SECISBP2L: variants seen among roughly 807,000 people sequenced by gnomAD.
The protein encoded by SECISBP2L is selenocysteine insertion sequence-binding protein 2-like.
SECISBP2L carries 43 observed loss-of-function variants against 114.7 expected under a neutral mutation model. The observed-to-expected ratio is 0.38, with a 90% CI of 0.29 to 0.48. SECISBP2L has a LOEUF of 0.48. Ranked by LOEUF, SECISBP2L falls within the 20% of genes least tolerant of loss-of-function variation. The pLI is 0.98. For synonymous variants in SECISBP2L, 451 were observed against 439.7 expected (o/e 1.03, Z -0.32); for missense variants, 1,136 against 1,301.1 (o/e 0.87, Z 1.95).
At chr15:49,032,780 A>G (rs1340164511) in intron 4 of SECISBP2L, among the ~76,000 whole-genome samples, 185 bp downstream of exon 4, 1 of 152,244 alleles carries the variant, frequency 6.6e-6, no homozygotes, top group African/African-American at 2.4e-5. Context: ...AAGGCCAGCA[A>G]GCAAATTGAA....
At chr15:49,024,971 T>G (rs966881022) in intron 7 of SECISBP2L, among the ~76,000 whole-genome samples, 1 of 152,208 alleles carries the variant, frequency 6.6e-6, no homozygotes, top group African/African-American at 2.4e-5. Context: ...AAAATGTTTT[T>G]CATCTCAGTA....
chr15:49,001,066 C>A lies in SECISBP2L; in HGVS notation c.2059G>T (p.Asp687Tyr). Residue 687 changes from aspartate to tyrosine, a missense_variant, in exon 15 of 18, where the codon GAT becomes TAT. By Grantham distance (160) the Asp-to-Tyr change is radical (BLOSUM62 -3). Transcript: ENST00000559471. The part of the protein sequence containing the change: ...YCNQVLCKEI[D>Y]ECVTLLLQEL... ...TGGAGAAGAAGAGTCACACATTCATCAATCTCTTTACAAAGAACCTGATTA... is the reference window on the plus strand; with the variant it reads ...TGGAGAAGAAGAGTCACACATTCATAAATCTCTTTACAAAGAACCTGATTA... 6.2e-7 allele frequency: 1 copy of A among 1,612,820 alleles called. No individual in the cohort carries two copies. Among genetic ancestry groups the A allele is most frequent in the South Asian group, 1.1e-5 (1 of 90,788 alleles).
rs187139777 is a variant in SECISBP2L, at chr15:48,989,381, C to A, written c.*2863G>T. ...CTATGTGAATTCCTTTTGACTAATT[C>A]TTTTCCAAATACTGGAATCATATAA... On this transcript the variant is annotated 3_prime_UTR_variant, in exon 18 of 18. Transcript: ENST00000559471. The A allele has an allele frequency of 1.8e-3, 266 of 151,182 alleles. 1 individual carries two copies. Among genetic ancestry groups the A allele is most frequent in the African/African-American group, 6.2e-3 (254 of 41,202 alleles). 9.4% of individuals were successfully genotyped at this position (151,182 alleles called of 1,614,324 possible). A position where few individuals can be genotyped will look rare whatever the true frequency, so the allele number is the denominator to read the frequency against.
At chr15:49,021,039 C>T (rs1413175945) in intron 7 of SECISBP2L, among the ~76,000 whole-genome samples, 2 of 152,054 alleles carry the variant, frequency 1.3e-5, no homozygotes, top group Non-Finnish European at 2.9e-5. Context: ...GCCCACGAGA[C>T]GGTATTTGAA....
At position 48,991,914 on chromosome 15, in the gene SECISBP2L, C is replaced by T. The variant is rs541557086; in HGVS notation, c.*330G>A. 1 of 187,364 alleles carries T rather than the reference C, an allele frequency of 5.3e-6. No homozygotes were observed. The highest frequency in any genetic ancestry group is 1.4e-4 in the East Asian group (1 of 7,364). The allele number at this position is 187,364 out of a possible 1,614,324, so 11.6% of individuals were successfully genotyped here. ...GCAAACACTGATAACTGCTTCTATC[C>T]TTAGAACCTTGTTCTTTAACTTTCA... On this transcript the variant is annotated 3_prime_UTR_variant, in exon 18 of 18. Coordinates refer to ENST00000559471, the MANE Select transcript of SECISBP2L (RefSeq NM_001193489.2).
At chr15:49,018,995 G>A (rs1471881852) in intron 8 of SECISBP2L, among the ~76,000 whole-genome samples, 1 of 152,140 alleles carries the variant, frequency 6.6e-6, no homozygotes, top group African/African-American at 2.4e-5. Context: ...GTCTATCAGA[G>A]AAAGTAAAAC....
chr15:49,008,079 T>G (rs1333724444), intron 14 of SECISBP2L, among the ~76,000 whole-genome samples: 1 of 152,226 alleles, frequency 6.6e-6, no homozygotes, highest in Non-Finnish European at 1.5e-5. Flanking sequence ...TCCTGTATAC[T>G]CTTTCCATCT....
In SECISBP2L at chr15:49,001,101, T is replaced by TA. The variant is rs546154715; in HGVS notation, c.2028-5dup. ...ACAAAGAACCTGATTACAATACCTG[T>TA]AAAAAAAAACCAAAATGGGTAACTC... is the stretch of plus-strand genomic sequence containing the variant. On this transcript the variant is annotated splice_polypyrimidine_tract_variant and splice_region_variant and intron_variant, in intron 14 of 17. Coordinates refer to ENST00000559471, the MANE Select transcript of SECISBP2L (RefSeq NM_001193489.2). The TA allele has an allele frequency of 7.3e-4, 1,138 of 1,561,874 alleles. 3 individuals carry two copies. Among genetic ancestry groups the TA allele is most frequent in the South Asian group, 2.8e-3 (237 of 83,914 alleles).
chr15:49,040,197 TA>T (rs1337863687), intron 1 of SECISBP2L, among the ~76,000 whole-genome samples: 2 of 152,228 alleles, frequency 1.3e-5, no homozygotes, highest in Non-Finnish European at 2.9e-5. Context: ...GCTGCACATA[TA>T]CACAGTATGT....
chr15:49,041,158 C>A (rs1290345366), intron 1 of SECISBP2L, among the ~76,000 whole-genome samples: 1 of 152,154 alleles, frequency 6.6e-6, no homozygotes, highest in East Asian at 1.9e-4. Context: ...AAAGTCTAAT[C>A]ATTCTTGTAT....
chr15:48,992,282 C>G lies in SECISBP2L; in HGVS notation c.3268G>C (p.Glu1090Gln), dbSNP rs753783166. 6 of 1,612,070 alleles carry G rather than the reference C, an allele frequency of 3.7e-6. No individual in the cohort carries two copies. Among genetic ancestry groups the G allele is most frequent in the African/African-American group, 1.3e-5 (1 of 74,844 alleles). Reference protein sequence around the residue: ...KSSNCSSLNKEHSDSNYTTQT... With the variant: ...KSSNCSSLNKQHSDSNYTTQT... ...GTTGTGTAATTAGAATCAGAGTGCT[C>G]TTTGTTGAGCGAGCTGCAGTTGCTG... The change falls in exon 18 of 18, where the codon GAG (glutamate) becomes CAG (glutamine). Residue 1090 changes from glutamate to glutamine, a missense_variant. Coordinates refer to ENST00000559471, the MANE Select transcript of SECISBP2L (RefSeq NM_001193489.2).
rs913495720 is a variant in SECISBP2L, at chr15:48,988,777, T to A, written c.*3467A>T. 4.0e-6 allele frequency: 1 copy of A among 250,002 alleles called. No individual in the cohort carries two copies. The highest frequency in any genetic ancestry group is 2.2e-5 in the African/African-American group (1 of 44,958). The allele number at this position is 250,002 out of a possible 1,614,324, so 15.5% of individuals were successfully genotyped here. ...AAAAGATGAAAATCCCTTCATGTTA[T>A]AACTCACACTAATTTTGCTAGTTTT... On this transcript the variant is annotated 3_prime_UTR_variant, in exon 18 of 18. Transcript: ENST00000559471.
At chr15:49,032,696 T>C (rs1902917498) in intron 4 of SECISBP2L, among the ~76,000 whole-genome samples, 1 of 152,190 alleles carries the variant, frequency 6.6e-6, no homozygotes, top group African/African-American at 2.4e-5. Flanking sequence ...TCTGCAAAAT[T>C]CCATCTCTGA....
chr15:49,022,303 CA>C (rs1211965813), intron 7 of SECISBP2L, among the ~76,000 whole-genome samples: 1 of 151,954 alleles, frequency 6.6e-6, no homozygotes, highest in Non-Finnish European at 1.5e-5. Context: ...CTAAAGAACA[CA>C]AAAAAACGAT....
chr15:49,004,578 A>G (rs891720887), intron 14 of SECISBP2L, among the ~76,000 whole-genome samples: 1 of 152,138 alleles, frequency 6.6e-6, no homozygotes, highest in African/African-American at 2.4e-5. Flanking sequence ...TAGTGCTATA[A>G]ATTTCCCTCT....
At position 49,032,957 on chromosome 15, in the gene SECISBP2L, T is replaced by C. The variant is rs776373116; in HGVS notation, c.664+8A>G. ...TCAGTGACGCACATGTAAGAACCCT[T>C]GCCTTACCAGTTTGCTGTGAAGCAT... On this transcript the variant is annotated splice_region_variant and intron_variant, in intron 4 of 17. Transcript: ENST00000559471. 8.1e-6 allele frequency: 13 copies of C among 1,613,278 alleles called. No homozygotes were observed. The highest frequency in any genetic ancestry group is 8.5e-6 in the Non-Finnish European group (10 of 1,179,708).
intron 3 of SECISBP2L, among the ~76,000 whole-genome samples, chr15:49,034,753 C>T (rs930528935): frequency 6.7e-6 from 1 of 148,626 alleles, no homozygotes; most frequent in Non-Finnish European, 1.5e-5. Flanking sequence ...CAGTCTTGAC[C>T]TCCTGGGCTC....
At chr15:49,019,284 A>C (rs1902595173) in intron 8 of SECISBP2L, 134 bp downstream of exon 8, 1 of 663,992 alleles carries the variant, frequency 1.5e-6, no homozygotes, top group African/African-American at 1.9e-5. Flanking sequence ...AATACTTCTG[A>C]GTAATTTATA....
rs1040586955 is a variant in SECISBP2L at position 49,035,769 on chromosome 15, T to C, written c.204-111A>G. The C allele has an allele frequency of 5.0e-5, 51 of 1,010,850 alleles. 1 individual carries two copies. In the Admixed American group the frequency reaches 1.3e-3, roughly 26 times the overall value. The allele number at this position is 1,010,850 out of a possible 1,614,324, so 62.6% of individuals were successfully genotyped here. A position where few individuals can be genotyped will look rare whatever the true frequency, so the allele number is the denominator to read the frequency against. On this transcript the variant is annotated intron_variant, in intron 2 of 17. Transcript: ENST00000559471. ...AAGACAAAACAGAACAGTGGCTTCA[T>C]GATAATTTTGGGAAAGGAGACAAAA... is the stretch of plus-strand genomic sequence containing the variant.
Sources: gnomAD v4.1 joint callset for allele counts (sites outside exome capture counted in the v4.1 genomes callset) on GRCh38, gnomAD v4.1.1 for gene constraint, MANE v1.5 for transcripts, NCBI Gene and HGNC (gene_info 2026-07-23, HGNC 2026-07-21) for gene names.